The following TANC2 variants were observed in gnomAD, a reference collection of about 807,000 sequenced individuals.
The protein encoded by TANC2 is tetratricopeptide repeat, ankyrin repeat and coiled-coil containing 2, also known as protein TANC2.
TANC2 carries 26 observed loss-of-function variants against 210.5 expected under a neutral mutation model. That is an observed-to-expected ratio of 0.12 (90% CI 0.09 to 0.17). The LOEUF is 0.17. Ranked by LOEUF, TANC2 falls within the 10% of genes least tolerant of loss-of-function variation. TANC2 has a pLI of 1.00. For missense variants in TANC2, 2,129 were observed against 2,608.9 expected, an observed-to-expected ratio of 0.82 and a Z score of 4.01; for synonymous variants, 931 against 967.1, an observed-to-expected ratio of 0.96 and a Z score of 0.69.
In TANC2 at chr17:63,104,763, A is replaced by G. The variant is rs557903793; in HGVS notation, c.322+5406A>G. On this transcript the variant is annotated intron_variant, in intron 4 of 27. Coordinates refer to ENST00000689528, the Ensembl canonical transcript of TANC2. Reference sequence around the variant, plus strand: ...AGAGGGATGACATAAGTTGTGCTGTATAGCTTTCTGTAAGTCTTATCTTGT... The same window carrying G: ...AGAGGGATGACATAAGTTGTGCTGTGTAGCTTTCTGTAAGTCTTATCTTGT... Among the ~76,000 whole-genome samples, 3 of 152,014 alleles carry G rather than the reference A, an allele frequency of 2.0e-5. No individual in the cohort carries two copies. The South Asian group carries it at 6.2e-4, about 31-fold the overall frequency.
intron 21 of TANC2, among the ~76,000 whole-genome samples, chr17:63,410,908 C>T (rs1312226459): frequency 7.1e-6 from 1 of 141,290 alleles, no homozygotes; most frequent in African/African-American, 2.6e-5. Context: ...AGAAAATGCT[C>T]ATTGAGAATT....
chr17:62,988,559 A>G (rs2032695741), intron 1 of TANC2, among the ~76,000 whole-genome samples: 1 of 152,174 alleles, frequency 6.6e-6, no homozygotes, highest in African/African-American at 2.4e-5. Context: ...TCATGCAAGA[A>G]TGGTGTATGA....
At chr17:63,390,170 A>C (rs1216347916) in intron 17 of TANC2, 1 of 152,550 alleles carries the variant, frequency 6.6e-6, no homozygotes, top group Non-Finnish European at 1.5e-5. Context: ...GTGAAAAGAA[A>C]AATGCTGGTC....
chr17:63,218,282 A>AG (rs2042076612), intron 7 of TANC2, among the ~76,000 whole-genome samples: 2 of 152,268 alleles, frequency 1.3e-5, no homozygotes, highest in South Asian at 4.2e-4. Context: ...AGGGAAAAAA[A>AG]AAATCGACAA....
chr17:63,208,323 TTTTTC>T, intron 7 of TANC2, among the ~76,000 whole-genome samples: 1 of 152,172 alleles, frequency 6.6e-6, no homozygotes, highest in South Asian at 2.1e-4. Flanking sequence ...TGTCTAGGTC[TTTTTC>T]TGAGCTTTTA....
At chr17:63,022,801 G>A (rs549184272) in intron 2 of TANC2, among the ~76,000 whole-genome samples, 1 of 152,274 alleles carries the variant, frequency 6.6e-6, no homozygotes, top group African/African-American at 2.4e-5. Context: ...CTGCTTGGCT[G>A]CACCAGCTGT....
chr17:63,279,371 T>G (rs1488701826), intron 9 of TANC2, among the ~76,000 whole-genome samples: 2 of 152,126 alleles, frequency 1.3e-5, no homozygotes, highest in Non-Finnish European at 2.9e-5. Context: ...TGTATCCCCT[T>G]TTACAGAGTA....
intron 6 of TANC2, among the ~76,000 whole-genome samples, chr17:63,194,998 G>A (rs557921056): frequency 1.3e-5 from 2 of 151,982 alleles, no homozygotes; most frequent in Admixed American, 6.6e-5. Context: ...ATTTTAAATT[G>A]CATATTTTAT....
chr17:63,411,937 C>T (rs192230047), intron 22 of TANC2, 61 bp from the exon 23 acceptor site: 19 of 1,590,730 alleles, frequency 1.2e-5, no homozygotes, highest in Middle Eastern at 1.7e-4. Context: ...CCAGAGCCCT[C>T]GGTGGAACAG....
At position 63,388,615 on chromosome 17, in the gene TANC2, T is replaced by A; in HGVS notation, c.2692-20T>A. 6.3e-7 allele frequency: 1 copy of A among 1,588,194 alleles called. No individual in the cohort carries two copies. Among genetic ancestry groups the A allele is most frequent in the Non-Finnish European group, 8.6e-7 (1 of 1,168,280 alleles). On this transcript the variant is annotated intron_variant, in intron 15 of 27. Coordinates refer to ENST00000689528, the Ensembl canonical transcript of TANC2. ...TTTTTTGCTGGGCTACTAATTTAAT[T>A]GTCTGTATTTCTTATTCAGGGTTTG...
chr17:63,178,829 G>A (rs1567790170), intron 5 of TANC2, among the ~76,000 whole-genome samples: 1 of 152,234 alleles, frequency 6.6e-6, no homozygotes, highest in Non-Finnish European at 1.5e-5. Context: ...TGTATTATTT[G>A]TGTGCAGCTT....
At chr17:63,351,165 C>G (rs887124320) in intron 12 of TANC2, 85 bp from the exon 13 acceptor site, 3 of 1,231,790 alleles carry the variant, frequency 2.4e-6, no homozygotes, top group African/African-American at 1.5e-5. Flanking sequence ...ATATTTTGTT[C>G]CAAAGAAATA....
chr17:63,105,504 A>T lies in TANC2; in HGVS notation c.322+6147A>T, dbSNP rs960364129. Among the ~76,000 whole-genome samples, 9 of 151,752 alleles carry T rather than the reference A, an allele frequency of 5.9e-5. 1 individual carries two copies. The highest frequency in any genetic ancestry group is 2.2e-4 in the African/African-American group (9 of 41,034). On this transcript the variant is annotated intron_variant, in intron 4 of 27. Transcript: ENST00000689528. ...TGATATGTTCTTTGCATAATAATAT[A>T]CTTATCCTGCAATTTTTGAAAACCT...
chr17:63,090,202 C>CT (rs11312036), intron 3 of TANC2, among the ~76,000 whole-genome samples: 91 of 144,450 alleles, frequency 6.3e-4, no homozygotes, highest in Admixed American at 3.4e-3. Context: ...GTATTACTGA[C>CT]TTTTTTTTTT....
chr17:63,165,141 C>T (rs557865158), intron 5 of TANC2, among the ~76,000 whole-genome samples: 19 of 151,842 alleles, frequency 1.3e-4, no homozygotes, highest in Admixed American at 1.2e-3. Flanking sequence ...ATTAGCCAGG[C>T]GTGGTGGCTG....
At position 62,990,821 on chromosome 17, in the gene TANC2, A is replaced by G. The variant is rs953901788; in HGVS notation, c.-23-18716A>G. On this transcript the variant is annotated intron_variant, in intron 1 of 27. Transcript: ENST00000689528. Reference sequence around the variant, plus strand: ...TAGGTCTGTAGGTTTGTTGGTGGGTAGTTGACAGAGTTCTTTCTGATAATT... The same window carrying G: ...TAGGTCTGTAGGTTTGTTGGTGGGTGGTTGACAGAGTTCTTTCTGATAATT... Among the ~76,000 whole-genome samples, 67 of 152,074 alleles carry G rather than the reference A, an allele frequency of 4.4e-4. 2 individuals carry two copies. The highest frequency in any genetic ancestry group is 3.4e-3 in the Middle Eastern group (1 of 294).
chr17:63,014,320 G>A (rs1197743367), intron 2 of TANC2, among the ~76,000 whole-genome samples: 2 of 152,056 alleles, frequency 1.3e-5, no homozygotes, highest in Admixed American at 6.5e-5. Context: ...ATTTAAAATA[G>A]GCAATTTAAA....
chr17:63,220,760 G>GTGTATGTGTATATATACA (rs1454637951), intron 7 of TANC2, among the ~76,000 whole-genome samples: 1 of 143,036 alleles, frequency 7.0e-6, no homozygotes, highest in Non-Finnish European at 1.5e-5. Context: ...GTGTATATAC[G>GTGTATGTGTATATATACA]TGTATGTGTA....
intron 4 of TANC2, among the ~76,000 whole-genome samples, chr17:63,117,618 C>T (rs989307421): frequency 5.3e-5 from 8 of 152,126 alleles, no homozygotes; most frequent in African/African-American, 4.8e-5. Flanking sequence ...TTCTGGGCAG[C>T]GTAAAGAGCT....
Sources: gnomAD v4.1 joint callset for allele counts (sites outside exome capture counted in the v4.1 genomes callset) on GRCh38, gnomAD v4.1.1 for gene constraint, MANE v1.5 for transcripts, NCBI Gene and HGNC (gene_info 2026-07-23, HGNC 2026-07-21) for gene names.